VPS13B: variants seen among roughly 807,000 people sequenced by gnomAD.
VPS13B encodes the protein intermembrane lipid transfer protein VPS13B.
Under a neutral mutation model 426.4 loss-of-function variants are expected in VPS13B, and 285 were observed. The observed-to-expected ratio is 0.67, with a 90% CI of 0.61 to 0.74. VPS13B has a LOEUF of 0.74. VPS13B is among the 30% of genes least tolerant of loss of function. The pLI is 0.00. For missense variants in VPS13B, 4,537 were observed against 4,782.6 expected (o/e 0.95, Z 1.51); for synonymous variants, 1,676 against 1,676.4 (o/e 1.00, Z 0.01).
In VPS13B at chr8:99,244,338, A is replaced by G. The variant is rs568336738; in HGVS notation, c.2516-29860A>G. On this transcript the variant is annotated intron_variant, in intron 17 of 61. Coordinates refer to ENST00000357162, the MANE Select transcript of VPS13B (RefSeq NM_152564.5). ...TTGCATTAAGAATTACTGGTATTAA[A>G]AAAGCAATGAACCCTGAACAGTCCA... 2.6e-5 allele frequency among the ~76,000 whole-genome samples: 4 copies of G among 152,360 alleles called. No homozygotes were observed. The East Asian group carries it at 7.7e-4, about 29-fold the overall frequency.
In VPS13B at chr8:99,188,124, A is replaced by C. The variant is rs534906691; in HGVS notation, c.2334-4752A>C. The stretch of plus-strand genomic sequence containing the variant: ...TCAGTTTTGCTAAGAACAGAGTTCT[A>C]ATACTTTAGGGACCTAGTTTGTTTT... On this transcript the variant is annotated intron_variant, in intron 16 of 61. Transcript: ENST00000357162. 5.3e-5 allele frequency among the ~76,000 whole-genome samples: 7 copies of C among 132,132 alleles called. No homozygotes were observed. The South Asian group carries it at 1.5e-3, about 27-fold the overall frequency. 86.7% of individuals were successfully genotyped at this position (132,132 alleles called of 152,430 possible). A position where few individuals can be genotyped will look rare whatever the true frequency, so the allele number is the denominator to read the frequency against.
chr8:99,242,275 C>T (rs566122527), intron 17 of VPS13B, among the ~76,000 whole-genome samples: 24 of 152,228 alleles, frequency 1.6e-4, no homozygotes, highest in African/African-American at 2.6e-4. Context: ...TGAGCCACCG[C>T]GCCAGGCCCA....
intron 16 of VPS13B, among the ~76,000 whole-genome samples, chr8:99,179,726 A>G (rs1463595327): frequency 1.3e-5 from 2 of 152,194 alleles, no homozygotes; most frequent in Admixed American, 6.5e-5. Context: ...CATAAGAAAC[A>G]TCTCTTTTTC....
chr8:99,427,751 A>T (rs889375834), intron 21 of VPS13B, among the ~76,000 whole-genome samples: 5 of 151,752 alleles, frequency 3.3e-5, no homozygotes, highest in African/African-American at 1.2e-4. Flanking sequence ...CCATCAAGCT[A>T]CCAATGACTT....
intron 17 of VPS13B, among the ~76,000 whole-genome samples, chr8:99,212,115 A>G (rs1409896838): frequency 6.6e-6 from 1 of 150,900 alleles, no homozygotes; most frequent in Non-Finnish European, 1.5e-5. Flanking sequence ...CTGCTCTTGA[A>G]CTCCTGACCT....
intron 23 of VPS13B, among the ~76,000 whole-genome samples, chr8:99,459,648 AT>A (rs1021124182): frequency 5.3e-5 from 8 of 152,252 alleles, no homozygotes; most frequent in African/African-American, 1.9e-4. Context: ...AGTATTTTTT[AT>A]TTTATCTCAA....
At position 99,661,448 on chromosome 8, in the gene VPS13B, T is replaced by C; in HGVS notation, c.6003T>C (p.Pro2001=). The stretch of plus-strand genomic sequence containing the variant: ...TAGACAGCAAAAGTGGTATTCCACC[T>C]TCCTTTATAACACTACAGATTAAAG... ...GEIDSKSGIP[P]SFITLQIKDF... Residue 2001 remains proline (P), a synonymous_variant, in exon 35 of 62, where the codon CCT becomes CCC. Coordinates refer to ENST00000357162, the MANE Select transcript of VPS13B (RefSeq NM_152564.5). 1.9e-6 allele frequency: 3 copies of C among 1,613,640 alleles called. No homozygotes were observed. Among genetic ancestry groups the C allele is most frequent in the Non-Finnish European group, 2.5e-6 (3 of 1,179,798 alleles).
intron 21 of VPS13B, among the ~76,000 whole-genome samples, chr8:99,429,284 C>CA (rs200181502): frequency 0.024 from 2,672 of 109,282 alleles, 30 homozygotes; most frequent in African/African-American, 0.025. Flanking sequence ...GTATAATAAC[C>CA]AAAAAAAAAA....
At chr8:99,850,568 A>G (rs1286841044) in intron 55 of VPS13B, among the ~76,000 whole-genome samples, 1 of 152,130 alleles carries the variant, frequency 6.6e-6, no homozygotes, top group Admixed American at 6.5e-5. Context: ...ATCAGAAAAA[A>G]TAACTTAATA....
intron 25 of VPS13B, among the ~76,000 whole-genome samples, chr8:99,482,825 C>T (rs1255546776): frequency 6.6e-6 from 1 of 152,086 alleles, no homozygotes; most frequent in Non-Finnish European, 1.5e-5. Context: ...CTGCCCTATT[C>T]TACACAGGAT....
intron 24 of VPS13B, among the ~76,000 whole-genome samples, chr8:99,469,352 T>C (rs2133517779): frequency 6.6e-6 from 1 of 152,084 alleles, no homozygotes; most frequent in South Asian, 2.1e-4. Flanking sequence ...TCATTTTTAT[T>C]TTTTTGTAGA....
At chr8:99,083,461 C>G (rs1288339694) in intron 3 of VPS13B, among the ~76,000 whole-genome samples, 2 of 151,502 alleles carry the variant, frequency 1.3e-5, no homozygotes, top group East Asian at 3.9e-4. Context: ...CTTCTCCTGC[C>G]TGATTGCCCT....
At chr8:99,335,237 T>C (rs1399054088) in intron 19 of VPS13B, among the ~76,000 whole-genome samples, 1 of 152,176 alleles carries the variant, frequency 6.6e-6, no homozygotes, top group African/African-American at 2.4e-5. Context: ...GTCTATTTGA[T>C]TCTTCTCTCT....
At chr8:99,442,671 T>G in intron 23 of VPS13B, 36 bp downstream of exon 23, 1 of 1,578,358 alleles carries the variant, frequency 6.3e-7, no homozygotes, top group South Asian at 1.1e-5. Flanking sequence ...GGTTAATGTT[T>G]TATATGGACA....
At chr8:99,859,030 G>T (rs994853876) in intron 56 of VPS13B, among the ~76,000 whole-genome samples, 1 of 152,140 alleles carries the variant, frequency 6.6e-6, no homozygotes, top group African/African-American at 2.4e-5. Context: ...ATGGACCCCC[G>T]TTAGCAGGAA....
chr8:99,184,864 T>C (rs1265580208), intron 16 of VPS13B, among the ~76,000 whole-genome samples: 1 of 152,038 alleles, frequency 6.6e-6, no homozygotes, highest in African/African-American at 2.4e-5. Context: ...AGTGGCACGC[T>C]CCTGTAATCC....
At chr8:99,518,300 G>A (rs903568227) in intron 29 of VPS13B, among the ~76,000 whole-genome samples, 1 of 152,142 alleles carries the variant, frequency 6.6e-6, no homozygotes, top group Non-Finnish European at 1.5e-5. Context: ...ATTGAGGACT[G>A]CTGCTTAATC....
chr8:99,121,680 T>C (rs1465880495), intron 8 of VPS13B: 3 of 1,156,698 alleles, frequency 2.6e-6, no homozygotes, highest in African/African-American at 3.1e-5. Context: ...GCTTCATGGA[T>C]AGTTTTTTGC....
At chr8:99,775,200 A>G (rs910890269) in intron 40 of VPS13B, among the ~76,000 whole-genome samples, 4 of 152,062 alleles carry the variant, frequency 2.6e-5, no homozygotes, top group African/African-American at 9.7e-5. Flanking sequence ...GTAAATGTCT[A>G]CGTATTGAGT....
Sources: gnomAD v4.1 joint callset for allele counts (sites outside exome capture counted in the v4.1 genomes callset) on GRCh38, gnomAD v4.1.1 for gene constraint, MANE v1.5 for transcripts, NCBI Gene and HGNC (gene_info 2026-07-23, HGNC 2026-07-21) for gene names.